Variants in EZH2 observed in about 807,000 individuals in gnomAD.
The protein encoded by EZH2 is histone-lysine N-methyltransferase EZH2.
In EZH2, 18 loss-of-function variants were observed where a neutral mutation model predicts 98.4. The ratio of observed to expected loss-of-function variants is 0.18; its 90% CI spans 0.13 to 0.27. The LOEUF (loss-of-function observed/expected upper bound fraction) is 0.27, where lower values mean the gene tolerates loss of function less well. Ranked by LOEUF, EZH2 falls within the 10% of genes least tolerant of loss-of-function variation. The probability of loss-of-function intolerance (pLI) is 1.00; values close to 1 mark genes in which losing one functional copy is unlikely to be tolerated. For missense variants in EZH2, 470 were observed against 935.1 expected (o/e 0.50, Z 6.49); for synonymous variants, 338 against 312.3 (o/e 1.08, Z -0.87).
intron 1 of EZH2, among the ~76,000 whole-genome samples, chr7:148,871,577 C>CTTTTTTTTTTTTTTTTTT (rs376098406): frequency 4.1e-4 from 55 of 135,230 alleles, no homozygotes; most frequent in African/African-American, 1.5e-3. Flanking sequence ...AGTGTATTTT[C>CTTTTTTTTTTTTTTTTTT]TTTTTTTTTT....
chr7:148,828,668 T>C, intron 6 of EZH2, 72 bp downstream of exon 6: 1 of 1,521,558 alleles, frequency 6.6e-7, no homozygotes, highest in Admixed American at 2.2e-5. Flanking sequence ...AACTAAGCCC[T>C]ATTTCTACTC....
At chr7:148,861,803 T>TAAA (rs10628711) in intron 1 of EZH2, among the ~76,000 whole-genome samples, 6,422 of 143,460 alleles carry the variant, frequency 0.045, 174 homozygotes, top group Admixed American at 0.055. Context: ...TTCTTTTATT[T>TAAA]AAAAAAAAAA....
At chr7:148,832,881 A>AAAGT in intron 3 of EZH2, 131 bp from the exon 4 acceptor site, 1 of 501,640 alleles carries the variant, frequency 2.0e-6, no homozygotes, top group South Asian at 4.3e-5. Context: ...CTAGGACAGT[A>AAAGT]AAGTGGTCAT....
At chr7:148,868,826 G>T (rs1464692290) in intron 1 of EZH2, among the ~76,000 whole-genome samples, 1 of 152,030 alleles carries the variant, frequency 6.6e-6, no homozygotes, top group Non-Finnish European at 1.5e-5. Context: ...AAAGACTAAG[G>T]CACCCAATAA....
chr7:148,810,419 A>G lies in EZH2; in HGVS notation c.1948-5T>C. 1.2e-6 allele frequency: 2 copies of G among 1,600,910 alleles called. No individual in the cohort carries two copies. ...AGCTTCATCTTGAGAAATAATCTAA[A>G]AAGAAAGACACAGGAGAAAATTCTT... On this transcript the variant is annotated splice_polypyrimidine_tract_variant and splice_region_variant and intron_variant, in intron 16 of 19. Transcript: ENST00000320356.
At position 148,842,285 on chromosome 7, in the gene EZH2, AAGG is replaced by A. The variant is rs553839126; in HGVS notation, c.246+4182_246+4184del. Among the ~76,000 whole-genome samples, 20 of 152,334 alleles carry A rather than the reference AAGG, an allele frequency of 1.3e-4. No individual in the cohort carries two copies. The South Asian group carries it at 3.5e-3, about 27-fold the overall frequency. On this transcript the variant is annotated intron_variant, in intron 3 of 19. Transcript: ENST00000320356. ...AAAACATTTTGATATGAAGTCAGTG[AAGG>A]AGAAGTGTCTTGTGATTATCAGCAA...
In EZH2 at chr7:148,816,689, T is replaced by C; in HGVS notation, c.1500A>G (p.Lys500=). The C allele has an allele frequency of 1.9e-6, 3 of 1,613,024 alleles. No homozygotes were observed. The highest frequency in any genetic ancestry group is 2.2e-5 in the South Asian group (2 of 91,068). ...GAGCTTCATGACAGACTCACCGGTG[T>C]TTCCTCTTCTTTTTCCTTGGAGGAG... The part of the protein sequence containing the change: ...VDTPPRKKKR[K]HRLWAAHCRK... The change falls in exon 12 of 20, where the codon AAA becomes AAG. Residue 500 remains lysine (K), a synonymous_variant. Coordinates refer to ENST00000320356, the MANE Select transcript of EZH2 (RefSeq NM_004456.5).
chr7:148,817,366 T>C lies in EZH2; in HGVS notation c.1266A>G (p.Pro422=). ...GTTCAATATTTGGCTTCATCTTTAT[T>C]GGTGTTTGACACCGAGAATTTGCTT... is the stretch of plus-strand genomic sequence containing the variant. ...SSEANSRCQT[P]IKMKPNIEPP... Residue 422 remains proline (P), a synonymous_variant, in exon 11 of 20, where the codon CCA becomes CCG. Transcript: ENST00000320356. 6.2e-7 allele frequency: 1 copy of C among 1,613,692 alleles called. No homozygotes were observed. The highest frequency in any genetic ancestry group is 8.5e-7 in the Non-Finnish European group (1 of 1,179,942).
intron 7 of EZH2, 32 bp downstream of exon 7, chr7:148,827,132 G>A (rs1807952158): frequency 3.9e-6 from 6 of 1,555,466 alleles, no homozygotes; most frequent in Non-Finnish European, 5.3e-6. Context: ...TACCATACAG[G>A]GCAAGATTGC....
chr7:148,833,079 C>T (rs1809827655), intron 3 of EZH2, among the ~76,000 whole-genome samples: 1 of 152,192 alleles, frequency 6.6e-6, no homozygotes, highest in Admixed American at 6.5e-5. Context: ...TATTTCCTAG[C>T]TCATCCTTCA....
chr7:148,817,717 C>T (rs1584935958), intron 10 of EZH2, 160 bp downstream of exon 10: 2 of 1,030,776 alleles, frequency 1.9e-6, no homozygotes, highest in South Asian at 1.5e-5. Flanking sequence ...CGGGTGCAGG[C>T]AGGAAACAGA....
intron 4 of EZH2, among the ~76,000 whole-genome samples, chr7:148,830,157 A>C (rs1219978967): frequency 6.6e-6 from 1 of 152,228 alleles, no homozygotes; most frequent in Admixed American, 6.5e-5. Context: ...AAGATGCTCT[A>C]GATTATGAGA....
chr7:148,846,838 CTGTGTGTGTGTGTGTGTGTGTGTGTG>C (rs59597308), intron 2 of EZH2, among the ~76,000 whole-genome samples: 3 of 135,122 alleles, frequency 2.2e-5, no homozygotes, highest in East Asian at 2.2e-4. Context: ...TCTTTGTTGA[CTGTGTGTGTGTGTGTGTGTGTGTGTG>C]TGTGTGTGTG....
chr7:148,859,918 CATT>C (rs1441731128), intron 1 of EZH2, among the ~76,000 whole-genome samples: 2 of 152,254 alleles, frequency 1.3e-5, no homozygotes, highest in East Asian at 3.9e-4. Flanking sequence ...TAGTAGGTCT[CATT>C]ATCCTGAACA....
At chr7:148,828,254 A>AGT (rs1281006948) in intron 6 of EZH2, among the ~76,000 whole-genome samples, 4 of 152,248 alleles carry the variant, frequency 2.6e-5, no homozygotes, top group Non-Finnish European at 5.9e-5. Flanking sequence ...AATGATGCCC[A>AGT]GTGAAGCACA....
chr7:148,852,154 A>G (rs1223035631), intron 1 of EZH2, among the ~76,000 whole-genome samples: 1 of 152,246 alleles, frequency 6.6e-6, no homozygotes, highest in Non-Finnish European at 1.5e-5. Context: ...TACAAAAGCC[A>G]AACCAGAATA....
chr7:148,835,745 G>A (rs980849842), intron 3 of EZH2, among the ~76,000 whole-genome samples: 1 of 152,110 alleles, frequency 6.6e-6, no homozygotes, highest in African/African-American at 2.4e-5. Flanking sequence ...TGGGGAGTGG[G>A]CTGCCTCTCC....
chr7:148,868,655 T>C (rs1713446258), intron 1 of EZH2, among the ~76,000 whole-genome samples: 1 of 152,210 alleles, frequency 6.6e-6, no homozygotes, highest in South Asian at 2.1e-4. Flanking sequence ...AGGGCCAGGA[T>C]GAGTGGCTGA....
At chr7:148,849,323 A>C (rs1009900870) in intron 1 of EZH2, among the ~76,000 whole-genome samples, 9 of 152,186 alleles carry the variant, frequency 5.9e-5, no homozygotes, top group African/African-American at 2.2e-4. Flanking sequence ...GAAAGAACCT[A>C]AAGAAATCTT....
Sources: allele counts gnomAD v4.1 joint callset (sites outside exome capture counted in the v4.1 genomes callset), GRCh38; gene constraint gnomAD v4.1.1; transcripts MANE v1.5; gene names NCBI Gene and HGNC (gene_info 2026-07-23, HGNC 2026-07-21).